The following GRXCR2 variants were observed in gnomAD, a reference collection of about 807,000 sequenced individuals.
The protein encoded by GRXCR2 is glutaredoxin and cysteine rich domain containing 2.
GRXCR2 carries 23 observed loss-of-function variants against 24.8 expected under a neutral mutation model. The ratio of observed to expected loss-of-function variants is 0.93; its 90% CI spans 0.67 to 1.32. The LOEUF (loss-of-function observed/expected upper bound fraction) is 1.32. GRXCR2 is among the 40% of genes most tolerant of loss of function. The pLI is 0.00. For missense variants in GRXCR2, 315 were observed against 303.4 expected, an observed-to-expected ratio of 1.04 and a Z score of -0.28; for synonymous variants, 130 against 116.1, an observed-to-expected ratio of 1.12 and a Z score of -0.77.
At chr5:145,882,357 T>G (rs935361493) in intron 2 of GRXCR2, among the ~76,000 whole-genome samples, 3 of 152,190 alleles carry the variant, frequency 2.0e-5, no homozygotes, top group Non-Finnish European at 2.9e-5. Flanking sequence ...AAAAGTGGGC[T>G]AAGGATATGA....
chr5:145,902,859 G>C (rs181901589), intron 2 of GRXCR2, among the ~76,000 whole-genome samples: 2 of 152,270 alleles, frequency 1.3e-5, no homozygotes, highest in East Asian at 1.9e-4. Flanking sequence ...CCATTGTATA[G>C]ATAAGAAGTA....
chr5:145,914,206 C>T (rs1757204280), intron 2 of GRXCR2, among the ~76,000 whole-genome samples: 1 of 152,098 alleles, frequency 6.6e-6, no homozygotes. Context: ...TCAGAGGAAA[C>T]CAAGTTTCAG....
At chr5:145,878,249 G>A (rs190408045) in intron 2 of GRXCR2, among the ~76,000 whole-genome samples, 128 of 152,246 alleles carry the variant, frequency 8.4e-4, no homozygotes, top group Middle Eastern at 3.4e-3. Flanking sequence ...AAACTTCTCC[G>A]AGCTAAAGGA....
At chr5:145,867,998 C>T (rs989152470) in intron 1 of GRXCR2, among the ~76,000 whole-genome samples, 2 of 152,086 alleles carry the variant, frequency 1.3e-5, no homozygotes, top group Admixed American at 1.3e-4. Flanking sequence ...TCTCAGTACT[C>T]TTCTCCAACA....
In GRXCR2 at chr5:145,859,731, G is replaced by A. The variant is rs1266720839; in HGVS notation, c.*2C>T. ...TAACAGTGGACATGCAAAAGCCACG[G>A]GCTATTGATTGCAAATCTGGCAAGG... On this transcript the variant is annotated 3_prime_UTR_variant, in exon 3 of 3. Transcript: ENST00000377976. The A allele has an allele frequency of 6.2e-7, 1 of 1,613,896 alleles. No homozygotes were observed. The highest frequency in any genetic ancestry group is 8.5e-7 in the Non-Finnish European group (1 of 1,179,922).
At chr5:145,922,507 T>C (rs200464812) in intron 2 of GRXCR2, among the ~76,000 whole-genome samples, 1 of 152,210 alleles carries the variant, frequency 6.6e-6, no homozygotes, top group Admixed American at 6.5e-5. Flanking sequence ...CCTGAAGGTA[T>C]TTCAGTGTCA....
intron 2 of GRXCR2, among the ~76,000 whole-genome samples, chr5:145,898,887 C>T (rs1215299364): frequency 6.6e-6 from 1 of 152,052 alleles, no homozygotes; most frequent in Admixed American, 6.6e-5. Context: ...TCCTATTCAA[C>T]ACAGTACTGG....
At chr5:145,889,172 A>AAAAGAAG in intron 2 of GRXCR2, among the ~76,000 whole-genome samples, 1 of 84,048 alleles carries the variant, frequency 1.2e-5, no homozygotes, top group Admixed American at 1.5e-4. Context: ...CTGTCTCAAA[A>AAAAGAAG]AAAGAAAGAA....
intron 2 of GRXCR2, among the ~76,000 whole-genome samples, chr5:145,889,242 A>AAGAAAGAAAGAAAGAAAG (rs1561683213): frequency 6.6e-6 from 1 of 150,712 alleles, no homozygotes; most frequent in East Asian, 1.9e-4. Context: ...GAAAGAAAGA[A>AAGAAAGAAAGAAAGAAAG]AGAATTATGC....
Position 145,859,645 on chromosome 5 carries a change from G to T in GRXCR2, c.*88C>A. The T allele has an allele frequency of 1.6e-6, 2 of 1,236,314 alleles. No homozygotes were observed. Among genetic ancestry groups the T allele is most frequent in the Non-Finnish European group, 2.3e-6 (2 of 853,450 alleles). 76.6% of individuals were successfully genotyped at this position (1,236,314 alleles called of 1,614,324 possible). A position where few individuals can be genotyped will look rare whatever the true frequency, so the allele number is the denominator to read the frequency against. ...CTGCAGCCACTGTGGCCTCCTTGTT[G>T]GGAGAGGCAGGAGGAGGAGAAGGGG... On this transcript the variant is annotated 3_prime_UTR_variant, in exon 3 of 3. Transcript: ENST00000377976.
At chr5:145,871,428 C>T (rs1243729384) in intron 1 of GRXCR2, among the ~76,000 whole-genome samples, 5 of 152,066 alleles carry the variant, frequency 3.3e-5, no homozygotes, top group Non-Finnish European at 5.9e-5. Flanking sequence ...CAGATGGATC[C>T]CTTAACAACT....
intron 2 of GRXCR2, among the ~76,000 whole-genome samples, chr5:145,894,597 T>C (rs1390615193): frequency 2.0e-5 from 3 of 152,036 alleles, no homozygotes; most frequent in Non-Finnish European, 2.9e-5. Context: ...AAGTTCAATC[T>C]CTGAATAGAC....
intron 2 of GRXCR2, among the ~76,000 whole-genome samples, chr5:145,918,416 C>T (rs1337854965): frequency 6.6e-6 from 1 of 152,128 alleles, no homozygotes; most frequent in Non-Finnish European, 1.5e-5. Flanking sequence ...TCATTGCTAT[C>T]CCCTAGTAAC....
chr5:145,879,340 T>C (rs542970182), intron 2 of GRXCR2, among the ~76,000 whole-genome samples: 7 of 137,876 alleles, frequency 5.1e-5, no homozygotes, highest in African/African-American at 1.9e-4. Context: ...AATAAAGGGA[T>C]GGAGGAAGAT....
intron 2 of GRXCR2, 100 bp from the exon 3 acceptor site, chr5:145,860,015 A>T: frequency 1.1e-6 from 1 of 907,102 alleles, no homozygotes; most frequent in Non-Finnish European, 1.6e-6. Flanking sequence ...GCTGGGGCAG[A>T]ATAGAGGAAA....
intron 2 of GRXCR2, among the ~76,000 whole-genome samples, chr5:145,903,112 A>G (rs1214742378): frequency 2.0e-5 from 3 of 152,178 alleles, no homozygotes; most frequent in Non-Finnish European, 4.4e-5. Context: ...TAGCCCCCTA[A>G]AAGACAGTAC....
In GRXCR2 at chr5:145,858,700, T is replaced by A. The variant is rs1481577247; in HGVS notation, c.*1033A>T. 3 of 152,198 alleles carry A rather than the reference T, an allele frequency of 2.0e-5. No individual in the cohort carries two copies. Among genetic ancestry groups the A allele is most frequent in the African/African-American group, 7.2e-5 (3 of 41,458 alleles). 9.4% of individuals were successfully genotyped at this position (152,198 alleles called of 1,614,324 possible). Reference sequence around the variant, plus strand: ...TCAAGAGATAAATTTTGCAGTGTTATTCTTAAGGGGCTTGGGGAGTGGGTG... The same window carrying A: ...TCAAGAGATAAATTTTGCAGTGTTAATCTTAAGGGGCTTGGGGAGTGGGTG... On this transcript the variant is annotated 3_prime_UTR_variant, in exon 3 of 3. Transcript: ENST00000377976.
chr5:145,865,642 C>T (rs545738916), intron 2 of GRXCR2, among the ~76,000 whole-genome samples: 18 of 152,266 alleles, frequency 1.2e-4, no homozygotes, highest in Admixed American at 1.2e-3. Context: ...CTGACAGTAG[C>T]GTCCAGCTCA....
chr5:145,862,752 A>C (rs1266796434), intron 2 of GRXCR2, among the ~76,000 whole-genome samples: 1 of 152,154 alleles, frequency 6.6e-6, no homozygotes, highest in African/African-American at 2.4e-5. Flanking sequence ...ACTGTTCAAC[A>C]AATGGACCTA....
Sources: gnomAD v4.1 joint callset for allele counts (sites outside exome capture counted in the v4.1 genomes callset) on GRCh38, gnomAD v4.1.1 for gene constraint, MANE v1.5 for transcripts, NCBI Gene and HGNC (gene_info 2026-07-23, HGNC 2026-07-21) for gene names.